DAB1: variants seen among roughly 807,000 people sequenced by gnomAD.
DAB1 encodes the protein DAB adaptor protein 1.
DAB1 carries 15 observed loss-of-function variants against 64.6 expected under a neutral mutation model. The ratio of observed to expected loss-of-function variants is 0.23; its 90% confidence interval spans 0.16 to 0.36. The LOEUF is 0.36. Ranked by LOEUF, DAB1 falls within the 10% of genes least tolerant of loss-of-function variation. The pLI is 1.00. For synonymous variants in DAB1, 235 were observed against 251.9 expected, an observed-to-expected ratio of 0.93 and a Z score of 0.64; for missense variants, 596 against 706.7, an observed-to-expected ratio of 0.84 and a Z score of 1.78.
intron 5 of DAB1, among the ~76,000 whole-genome samples, chr1:58,018,167 TTCTA>T (rs1367894571): frequency 1.3e-5 from 2 of 152,188 alleles, no homozygotes; most frequent in African/African-American, 2.4e-5. Context: ...CTCTCTCTGC[TTCTA>T]TCTGTGTCTC....
chr1:57,569,256 CAA>C (rs3991203), intron 7 of DAB1, among the ~76,000 whole-genome samples: 77 of 67,862 alleles, frequency 1.1e-3, no homozygotes, highest in African/African-American at 4.4e-3. Flanking sequence ...GACTCCGTCT[CAA>C]AAAAAAAAAA....
intron 2 of DAB1, among the ~76,000 whole-genome samples, chr1:57,262,194 G>T (rs531541991): frequency 1.3e-5 from 2 of 152,300 alleles, no homozygotes; most frequent in African/African-American, 4.8e-5. Flanking sequence ...TCGTCATTTC[G>T]CATTGTTATT....
chr1:57,086,276 C>T (rs1219943756), intron 4 of DAB1, among the ~76,000 whole-genome samples: 1 of 152,096 alleles, frequency 6.6e-6, no homozygotes, highest in Non-Finnish European at 1.5e-5. Flanking sequence ...CAGCTGGGTG[C>T]CCGTCGATGG....
At chr1:57,286,331 C>A (rs923963413) in intron 2 of DAB1, among the ~76,000 whole-genome samples, 4 of 151,990 alleles carry the variant, frequency 2.6e-5, no homozygotes, top group African/African-American at 9.7e-5. Context: ...AAATATCTGC[C>A]CCAGGAGTCA....
chr1:57,026,585 G>A (rs573512170), intron 9 of DAB1, among the ~76,000 whole-genome samples: 2 of 152,250 alleles, frequency 1.3e-5, no homozygotes, highest in East Asian at 1.9e-4. Flanking sequence ...TCCAGGCCAC[G>A]ATTTAAATTT....
intron 2 of DAB1, among the ~76,000 whole-genome samples, chr1:57,162,214 A>T (rs1478446207): frequency 6.6e-6 from 1 of 152,192 alleles, no homozygotes; most frequent in Non-Finnish European, 1.5e-5. Context: ...AAAATAGACA[A>T]ATGTGTGAAA....
In DAB1 at chr1:58,462,188, G is replaced by A. The variant is rs554782566; in HGVS notation, n.257+43872C>T. Among the ~76,000 whole-genome samples, 183 of 145,344 alleles carry A rather than the reference G, an allele frequency of 1.3e-3. 2 individuals are homozygous for A. Among genetic ancestry groups the A allele is most frequent in the African/African-American group, 4.3e-3 (166 of 38,442 alleles). On this transcript the variant is annotated intron_variant and non_coding_transcript_variant, in intron 3 of 20. Coordinates refer to the DAB1 transcript ENST00000485760. ...AGGCCGGACTGCGGACTGCAGTGGC[G>A]CAGTCTCGGCTCACTGCAAGCTCCG...
At chr1:57,133,710 G>A (rs375616269) in intron 4 of DAB1, among the ~76,000 whole-genome samples, 1 of 152,112 alleles carries the variant, frequency 6.6e-6, no homozygotes, top group African/African-American at 2.4e-5. Flanking sequence ...TTTAGCTATT[G>A]TCACGTTCTG....
chr1:57,555,714 A>G (rs1261365925), intron 7 of DAB1, among the ~76,000 whole-genome samples: 1 of 152,216 alleles, frequency 6.6e-6, no homozygotes, highest in Non-Finnish European at 1.5e-5. Context: ...CACAGTGCTA[A>G]TAAGGATAGA....
chr1:57,619,482 C>T (rs1645830051), intron 7 of DAB1, among the ~76,000 whole-genome samples: 1 of 152,118 alleles, frequency 6.6e-6, no homozygotes, highest in Non-Finnish European at 1.5e-5. Context: ...CTCACTGAAG[C>T]CTCAAACTCC....
At chr1:57,643,208 C>T (rs542057556) in intron 7 of DAB1, among the ~76,000 whole-genome samples, 165 of 152,292 alleles carry the variant, frequency 1.1e-3, no homozygotes, top group Non-Finnish European at 1.9e-3. Flanking sequence ...CAATTGGCTG[C>T]CTATGTTGCA....
chr1:58,367,639 G>T (rs1216906351), intron 3 of DAB1, among the ~76,000 whole-genome samples: 2 of 152,130 alleles, frequency 1.3e-5, no homozygotes, highest in Admixed American at 6.5e-5. Context: ...CCTAGAGGGG[G>T]AAGTTATTCC....
At chr1:57,114,374 A>C (rs537394144) in intron 4 of DAB1, among the ~76,000 whole-genome samples, 2 of 152,324 alleles carry the variant, frequency 1.3e-5, no homozygotes, top group South Asian at 4.1e-4. Context: ...TTCACTTAAA[A>C]GGGGGTTGGC....
chr1:57,461,698 G>A (rs1686784246), intron 7 of DAB1, among the ~76,000 whole-genome samples: 2 of 152,124 alleles, frequency 1.3e-5, no homozygotes, highest in South Asian at 4.1e-4. Flanking sequence ...TTCTGCTGAA[G>A]GCTGGACTAA....
intron 1 of DAB1, among the ~76,000 whole-genome samples, chr1:57,859,337 T>C (rs1256293909): frequency 2.6e-5 from 4 of 152,172 alleles, no homozygotes; most frequent in Non-Finnish European, 5.9e-5. Flanking sequence ...TCCCTCTGAC[T>C]ATATGTTATT....
At chr1:58,358,781 T>C (rs1644134568) in intron 3 of DAB1, among the ~76,000 whole-genome samples, 1 of 152,174 alleles carries the variant, frequency 6.6e-6, no homozygotes, top group South Asian at 2.1e-4. Flanking sequence ...ATTTCCAGAA[T>C]GCCAGAATAA....
At chr1:58,119,144 T>C (rs1217522758) in intron 5 of DAB1, among the ~76,000 whole-genome samples, 1 of 152,140 alleles carries the variant, frequency 6.6e-6, no homozygotes, top group Non-Finnish European at 1.5e-5. Context: ...GTAGCAAGCA[T>C]TGAACAAATA....
intron 3 of DAB1, among the ~76,000 whole-genome samples, chr1:58,418,589 T>C (rs1644743698): frequency 6.6e-6 from 1 of 151,982 alleles, no homozygotes; most frequent in South Asian, 2.1e-4. Context: ...CTACAGGAGA[T>C]TGATAAGTGA....
At chr1:58,205,570 T>G (rs1403122868) in intron 4 of DAB1, among the ~76,000 whole-genome samples, 1 of 152,234 alleles carries the variant, frequency 6.6e-6, no homozygotes, top group East Asian at 1.9e-4. Context: ...TTTAATTAAT[T>G]CAACTGTTTA....
Sources: allele counts gnomAD v4.1 joint callset (sites outside exome capture counted in the v4.1 genomes callset), GRCh38; gene constraint gnomAD v4.1.1; transcripts MANE v1.5; gene names NCBI Gene and HGNC (gene_info 2026-07-23, HGNC 2026-07-21).